GRK6: variants seen among roughly 807,000 people sequenced by gnomAD.
GRK6 encodes G protein-coupled receptor kinase 6.
GRK6 carries 37 observed loss-of-function variants against 80.8 expected under a neutral mutation model. That is an observed-to-expected ratio of 0.46 (90% CI 0.35 to 0.60). GRK6 has a LOEUF of 0.60. GRK6 is among the 20% of genes least tolerant of loss of function. The pLI is 0.00. For missense variants in GRK6, 560 were observed against 784.6 expected (o/e 0.71, Z 3.42); for synonymous variants, 295 against 320.9 (o/e 0.92, Z 0.86).
Position 177,440,965 on chromosome 5 carries a change from A to T in GRK6, c.1589A>T (p.Asp530Val), listed in dbSNP as rs752781110. 1.1e-5 allele frequency: 18 copies of T among 1,613,832 alleles called. No homozygotes were observed. The highest frequency in any genetic ancestry group is 1.2e-5 in the Non-Finnish European group (14 of 1,179,988). The change falls in exon 15 of 16, where the codon GAT (aspartate) becomes GTT (valine). Residue 530 changes from aspartate (D) to valine (V), a missense_variant. Coordinates refer to ENST00000355472, the MANE Select transcript of GRK6 (RefSeq NM_001004106.3). ...CAAGAGCTGAATGTCTTTGGGCTGG[A>T]TGGCTCAGTTCCCCCAGACCTGGAC... ...CFQELNVFGLDGSVPPDLDWK... is the reference protein window; with the variant it reads ...CFQELNVFGLVGSVPPDLDWK...
Position 177,436,195 on chromosome 5 carries a change from C to T in GRK6, c.1180C>T (p.Arg394Trp), listed in dbSNP as rs751883117. The T allele has an allele frequency of 3.7e-6, 6 of 1,614,164 alleles. No homozygotes were observed. Among genetic ancestry groups the T allele is most frequent in the South Asian group, 1.1e-5 (1 of 91,080 alleles). The change falls in exon 12 of 16, where the codon CGG (arginine) becomes TGG (tryptophan). Residue 394 changes from arginine to tryptophan, a missense_variant. Arg to Trp is a moderately radical substitution (Grantham distance 101). Coordinates refer to ENST00000355472, the MANE Select transcript of GRK6 (RefSeq NM_001004106.3). ...CCAGCAGAGGAAGAAGAAGATCAAG[C>T]GGGAGGAGGTGGAGCGGCTGGTGAA... is the stretch of plus-strand genomic sequence containing the variant. The part of the protein sequence containing the change: ...PFQQRKKKIK[R>W]EEVERLVKEV...
At chr5:177,432,604 G>A in intron 4 of GRK6, 102 bp from the exon 5 acceptor site, 1 of 837,474 alleles carries the variant, frequency 1.2e-6, no homozygotes, top group Non-Finnish European at 1.9e-6. Flanking sequence ...CTGGCCTGCA[G>A]CCTCTCATGG....
upstream of GRK6, among the ~76,000 whole-genome samples, chr5:177,426,264 C>T (rs1241153863): frequency 1.3e-5 from 2 of 152,228 alleles, no homozygotes; most frequent in Non-Finnish European, 2.9e-5. Context: ...AGCCAAAGGC[C>T]GCCGGGCCAC....
At chr5:177,430,843 C>A in intron 1 of GRK6, 29 bp from the exon 2 acceptor site, 1 of 1,603,850 alleles carries the variant, frequency 6.2e-7, no homozygotes, top group Non-Finnish European at 8.5e-7. Context: ...CAGTGGGACT[C>A]GAGACCCAGT....
intron 6 of GRK6, 35 bp downstream of exon 6, chr5:177,433,274 G>T: frequency 6.2e-7 from 1 of 1,613,334 alleles, no homozygotes; most frequent in Non-Finnish European, 8.5e-7. Context: ...GGACAGGCCA[G>T]GTCGCCGGGG....
intron 11 of GRK6, 25 bp from the exon 12 acceptor site, chr5:177,436,048 C>G: frequency 6.2e-7 from 1 of 1,605,370 alleles, no homozygotes; most frequent in Non-Finnish European, 8.5e-7. Flanking sequence ...CCTGCCCAGC[C>G]CTAACTCCCA....
chr5:177,426,060 G>A (rs557697460), upstream of GRK6, among the ~76,000 whole-genome samples: 2 of 152,316 alleles, frequency 1.3e-5, no homozygotes, highest in African/African-American at 4.8e-5. Flanking sequence ...CGGCGACCGG[G>A]CAAGAGGTCG....
At chr5:177,432,583 G>A in intron 4 of GRK6, 123 bp from the exon 5 acceptor site, 1 of 760,442 alleles carries the variant, frequency 1.3e-6, no homozygotes, top group Non-Finnish European at 2.2e-6. Flanking sequence ...AACCAGGCTG[G>A]CTGGCACACC....
chr5:177,437,347 GC>G (rs1419243809), intron 13 of GRK6, among the ~76,000 whole-genome samples: 1 of 152,116 alleles, frequency 6.6e-6, no homozygotes, highest in Non-Finnish European at 1.5e-5. Flanking sequence ...CCCCTCACTG[GC>G]CACACCCAGA....
intron 13 of GRK6, among the ~76,000 whole-genome samples, chr5:177,437,100 G>A (rs547489176): frequency 6.6e-6 from 1 of 151,958 alleles, no homozygotes; most frequent in East Asian, 1.9e-4. Flanking sequence ...GATTACAGGC[G>A]CCCACCACCA....
At chr5:177,431,076 C>T in intron 2 of GRK6, 109 bp downstream of exon 2, 1 of 836,208 alleles carries the variant, frequency 1.2e-6, no homozygotes, top group Non-Finnish European at 1.9e-6. Flanking sequence ...TTGGGGGCTC[C>T]AGTGAGCAGG....
chr5:177,433,832 C>T (rs1216727687), intron 8 of GRK6, 82 bp from the exon 9 acceptor site: 25 of 1,486,944 alleles, frequency 1.7e-5, no homozygotes, highest in Non-Finnish European at 2.2e-5. Flanking sequence ...CAAGGAGTGG[C>T]ACCGAGAAGG....
rs897858727 is a variant in GRK6, at chr5:177,429,754, G to A, written c.53-1118G>A. ...AAACTGAGGCCCAGCATGAGAAAGTGGTTGTCTAAGGTTGCCATGGCGTTG... is the reference window on the plus strand; with the variant it reads ...AAACTGAGGCCCAGCATGAGAAAGTAGTTGTCTAAGGTTGCCATGGCGTTG... On this transcript the variant is annotated intron_variant, in intron 1 of 15. Coordinates refer to ENST00000355472, the MANE Select transcript of GRK6 (RefSeq NM_001004106.3). The surrounding 1 kb of genome is among the most constrained non-coding windows in gnomAD (Gnocchi z 4.3). Among the ~76,000 whole-genome samples the A allele has an allele frequency of 5.3e-5, 8 of 152,196 alleles. No homozygotes were observed. Among genetic ancestry groups the A allele is most frequent in the African/African-American group, 9.7e-5 (4 of 41,442 alleles).
intron 5 of GRK6, 88 bp from the exon 6 acceptor site, chr5:177,433,058 CT>C: frequency 8.7e-7 from 1 of 1,155,674 alleles, no homozygotes; most frequent in Non-Finnish European, 1.3e-6. Flanking sequence ...TGGGCTAAGC[CT>C]GTACAGAACG....
chr5:177,435,683 C>A (rs536060649), intron 11 of GRK6, among the ~76,000 whole-genome samples: 46 of 152,338 alleles, frequency 3.0e-4, no homozygotes, highest in African/African-American at 9.9e-4. Context: ...CAGGGCTGCC[C>A]TGGCAGGTAG....
Position 177,440,760 on chromosome 5 carries a change from G to T in GRK6, c.1465G>T (p.Val489Leu). 1 of 1,614,196 alleles carries T rather than the reference G, an allele frequency of 6.2e-7. No individual in the cohort carries two copies. Among genetic ancestry groups the T allele is most frequent in the Non-Finnish European group, 8.5e-7 (1 of 1,180,028 alleles). Residue 489 changes from valine (V) to leucine (L), a missense_variant, in exon 14 of 16, where the codon GTG becomes TTG. Val to Leu is a conservative substitution (Grantham distance 32). Coordinates refer to ENST00000355472, the MANE Select transcript of GRK6 (RefSeq NM_001004106.3). ...TGAACAGTTCTCTACGGTCAAGGGC[G>T]TGGAGCTGGAGCCTACCGACCAGGA... ...DIEQFSTVKG[V>L]ELEPTDQDFY...
Position 177,440,985 on chromosome 5 carries a change from C to T in GRK6, c.1609C>T (p.Leu537=), listed in dbSNP as rs969326018. The part of the protein sequence containing the change: ...FGLDGSVPPD[L]DWKGQPPAPP... ...GCTGGATGGCTCAGTTCCCCCAGAC[C>T]TGGACTGGAAGGGCCAGCCACCTGC... is the stretch of plus-strand genomic sequence containing the variant. The change falls in exon 15 of 16, where the codon CTG becomes TTG. Residue 537 remains leucine, a synonymous_variant. Transcript: ENST00000355472. The T allele has an allele frequency of 1.1e-5, 17 of 1,613,920 alleles. No homozygotes were observed. The highest frequency in any genetic ancestry group is 1.4e-5 in the Non-Finnish European group (17 of 1,180,024).
chr5:177,440,886 G>A (rs1764451238), intron 14 of GRK6, 33 bp from the exon 15 acceptor site: 2 of 1,613,766 alleles, frequency 1.2e-6, no homozygotes, highest in East Asian at 2.2e-5. Context: ...GCTGCCCTGG[G>A]GACAGCTGTC....
chr5:177,432,387 GCTTCTGAGGGTGGTCT>G (rs1218529486), intron 4 of GRK6, 77 bp downstream of exon 4: 1 of 1,383,432 alleles, frequency 7.2e-7, no homozygotes, highest in African/African-American at 1.4e-5. Context: ...ACAGTGTCAG[GCTTCTGAGGGTGGTCT>G]CTTCATACAG....
Sources: gnomAD v4.1 joint callset for allele counts (sites outside exome capture counted in the v4.1 genomes callset) on GRCh38, gnomAD v4.1.1 for gene constraint, Gnocchi (gnomAD v3.1) non-coding constraint, MANE v1.5 for transcripts, NCBI Gene and HGNC (gene_info 2026-07-23, HGNC 2026-07-21) for gene names.